PCBD2: variants seen among roughly 807,000 people sequenced by gnomAD.
The protein encoded by PCBD2 is pterin-4-alpha-carbinolamine dehydratase 2.
Under a neutral mutation model 16.4 loss-of-function variants are expected in PCBD2, and 12 were observed. The ratio of observed to expected loss-of-function variants is 0.73; its 90% CI spans 0.47 to 1.19. The LOEUF (loss-of-function observed/expected upper bound fraction) is 1.19, where lower values mean the gene tolerates loss of function less well. Among genes scored for constraint, PCBD2 ranks in the 50% most tolerant of loss-of-function variants. The pLI, the probability that PCBD2 is intolerant of heterozygous loss-of-function variation, is 0.00. For synonymous variants in PCBD2, 58 were observed against 61.8 expected (o/e 0.94, Z 0.29); for missense variants, 138 against 156.8 (o/e 0.88, Z 0.64).
intron 2 of PCBD2, among the ~76,000 whole-genome samples, chr5:134,943,385 C>T (rs1053205894): frequency 1.3e-5 from 2 of 152,110 alleles, no homozygotes; most frequent in Non-Finnish European, 2.9e-5. Flanking sequence ...GTCTAGGTTA[C>T]GAGTGCTTTA....
At chr5:134,923,701 T>C in intron 2 of PCBD2, 1 of 385,722 alleles carries the variant, frequency 2.6e-6, no homozygotes, top group Non-Finnish European at 4.6e-6. Flanking sequence ...AGGAGGATGA[T>C]GCCAATGTTT....
At chr5:134,943,443 C>T (rs1751256189) in intron 2 of PCBD2, among the ~76,000 whole-genome samples, 1 of 152,218 alleles carries the variant, frequency 6.6e-6, no homozygotes, top group South Asian at 2.1e-4. Flanking sequence ...TGATAGCACT[C>T]AGAATGCCAC....
At chr5:134,911,297 CT>C (rs2149530122) in intron 2 of PCBD2, among the ~76,000 whole-genome samples, 1 of 152,294 alleles carries the variant, frequency 6.6e-6, no homozygotes, top group East Asian at 1.9e-4. Context: ...GATCCTGAAC[CT>C]TTTCTTAAAA....
intron 1 of PCBD2, 100 bp from the exon 2 acceptor site, chr5:134,910,235 C>A: frequency 7.7e-7 from 1 of 1,305,900 alleles, no homozygotes; most frequent in Non-Finnish European, 1.1e-6. Flanking sequence ...AATTTGTTGC[C>A]TTTCAGACTT....
At position 134,960,573 on chromosome 5, in the gene PCBD2, T is replaced by C. The variant is rs760541721; in HGVS notation, c.298-13T>C. ...CTGCTCAGAGTTTTAAAAACTGCTT[T>C]TCTTTTTCTTAGGTCCAGATAACTC... On this transcript the variant is annotated splice_polypyrimidine_tract_variant and intron_variant, in intron 3 of 3. Coordinates refer to ENST00000254908, the MANE Select transcript of PCBD2 (RefSeq NM_032151.5). The C allele has an allele frequency of 8.3e-6, 13 of 1,574,708 alleles. No homozygotes were observed. Among genetic ancestry groups the C allele is most frequent in the African/African-American group, 2.7e-5 (2 of 73,398 alleles).
At chr5:134,939,674 T>A (rs1751201770) in intron 2 of PCBD2, among the ~76,000 whole-genome samples, 1 of 152,176 alleles carries the variant, frequency 6.6e-6, no homozygotes, top group African/African-American at 2.4e-5. Context: ...TCAAAAATAC[T>A]CTTTCTGGAA....
rs1233818182 is a variant in PCBD2, at chr5:134,926,398, G to T, written c.216+15932G>T. ...TTTTTTATTAGGGTTAATGAGGGTG[G>T]TAAGGATAGGGGGAATTAAGGAAGT... On this transcript the variant is annotated intron_variant, in intron 2 of 3. Coordinates refer to ENST00000254908, the MANE Select transcript of PCBD2 (RefSeq NM_032151.5). The T allele has an allele frequency of 1.3e-5, 5 of 387,612 alleles. No homozygotes were observed. The East Asian group carries it at 1.5e-4, about 11-fold the overall frequency. 24.0% of individuals were successfully genotyped at this position (387,612 alleles called of 1,614,324 possible). A position where few individuals can be genotyped will look rare whatever the true frequency, so the allele number is the denominator to read the frequency against.
At chr5:134,956,952 G>T (rs1056293469) in intron 2 of PCBD2, among the ~76,000 whole-genome samples, 1 of 151,962 alleles carries the variant, frequency 6.6e-6, no homozygotes, top group Non-Finnish European at 1.5e-5. Context: ...TAAAATTATT[G>T]TCTCCATTTT....
rs751277967 is a variant in PCBD2, at chr5:134,924,548, G to A, written c.216+14082G>A. ...TGATTCGGGAGGATCCTATTGGTGC[G>A]GGGGCTTTGTATGATTATGGGCGTT... On this transcript the variant is annotated intron_variant, in intron 2 of 3. Coordinates refer to ENST00000254908, the MANE Select transcript of PCBD2 (RefSeq NM_032151.5). 300 of 398,316 alleles carry A rather than the reference G, an allele frequency of 7.5e-4. 1 individual carries two copies. Among genetic ancestry groups the A allele is most frequent in the Non-Finnish European group, 1.2e-3 (264 of 226,128 alleles). 24.7% of individuals were successfully genotyped at this position (398,316 alleles called of 1,614,324 possible). A position where few individuals can be genotyped will look rare whatever the true frequency, so the allele number is the denominator to read the frequency against.
chr5:134,954,189 A>G (rs935897857), intron 2 of PCBD2, among the ~76,000 whole-genome samples: 1 of 152,150 alleles, frequency 6.6e-6, no homozygotes. Flanking sequence ...TTGAGCTTCT[A>G]GCCTCAAGCA....
At chr5:134,938,122 C>G (rs539839970) in intron 2 of PCBD2, among the ~76,000 whole-genome samples, 4 of 152,188 alleles carry the variant, frequency 2.6e-5, no homozygotes. Context: ...GTTTCTCACA[C>G]GAGGAAACGT....
At chr5:134,943,123 A>T (rs1053155012) in intron 2 of PCBD2, among the ~76,000 whole-genome samples, 22 of 152,204 alleles carry the variant, frequency 1.4e-4, no homozygotes, top group African/African-American at 4.6e-4. Context: ...CTTCTGGTAC[A>T]TGGATTAATA....
At chr5:134,917,873 T>C (rs1750852378) in intron 2 of PCBD2, among the ~76,000 whole-genome samples, 1 of 151,850 alleles carries the variant, frequency 6.6e-6, no homozygotes. Context: ...AAGTTACTTT[T>C]GCTGCCTTAC....
intron 2 of PCBD2, among the ~76,000 whole-genome samples, chr5:134,929,186 T>G (rs1466244541): frequency 6.6e-6 from 1 of 151,452 alleles, no homozygotes; most frequent in Admixed American, 6.6e-5. Context: ...CAAGAAAGAT[T>G]TGTTAGATAA....
intron 2 of PCBD2, among the ~76,000 whole-genome samples, chr5:134,919,565 A>G (rs1302009634): frequency 1.3e-5 from 2 of 152,230 alleles, no homozygotes; most frequent in African/African-American, 4.8e-5. Flanking sequence ...AGATGAGATT[A>G]ACTTGGTATA....
At chr5:134,957,809 T>C (rs139236114) in intron 2 of PCBD2, among the ~76,000 whole-genome samples, 77 of 152,340 alleles carry the variant, frequency 5.1e-4, no homozygotes, top group African/African-American at 1.4e-3. Context: ...ATTCCATACA[T>C]GGTCAAATGG....
chr5:134,910,950 G>A (rs190863821), intron 2 of PCBD2, among the ~76,000 whole-genome samples: 16 of 152,204 alleles, frequency 1.1e-4, no homozygotes, highest in Non-Finnish European at 2.2e-4. Flanking sequence ...GCCATGCCCA[G>A]CTAATTTTTG....
intron 2 of PCBD2, among the ~76,000 whole-genome samples, chr5:134,919,504 T>C (rs1218992290): frequency 6.6e-6 from 1 of 152,228 alleles, no homozygotes; most frequent in African/African-American, 2.4e-5. Context: ...TGTAAATTGC[T>C]TTCATTAGTA....
At chr5:134,920,659 C>CTT (rs36005222) in intron 2 of PCBD2, among the ~76,000 whole-genome samples, 10 of 140,108 alleles carry the variant, frequency 7.1e-5, no homozygotes, top group African/African-American at 2.1e-4. Context: ...AGGATGGAGG[C>CTT]TTTTTTTTTT....
Sources: gnomAD v4.1 joint callset for allele counts (sites outside exome capture counted in the v4.1 genomes callset) on GRCh38, gnomAD v4.1.1 for gene constraint, MANE v1.5 for transcripts, NCBI Gene and HGNC (gene_info 2026-07-23, HGNC 2026-07-21) for gene names.